HMCN1: variants seen among roughly 807,000 people sequenced by gnomAD.
The protein encoded by HMCN1 is hemicentin-1.
In HMCN1, 321 loss-of-function variants were observed where a neutral mutation model predicts 625.9. The ratio of observed to expected loss-of-function variants is 0.51; its 90% confidence interval spans 0.47 to 0.56. HMCN1 has a LOEUF of 0.56. HMCN1 is among the 20% of genes least tolerant of loss of function. The pLI is 0.00. For synonymous variants in HMCN1, 2,425 were observed against 2,417.6 expected, an observed-to-expected ratio of 1.00 and a Z score of -0.09; for missense variants, 6,588 against 6,887.3, an observed-to-expected ratio of 0.96 and a Z score of 1.54.
intron 3 of HMCN1, 64 bp from the exon 4 acceptor site, chr1:185,865,677 A>G (rs778419899): frequency 7.1e-7 from 1 of 1,413,718 alleles, no homozygotes; most frequent in Admixed American, 1.7e-5. Context: ...TAGGTAGTCA[A>G]TACACATATT....
Position 186,181,904 on chromosome 1 carries a change from G to A in HMCN1, c.16295-264G>A, listed in dbSNP as rs73042576. Among the ~76,000 whole-genome samples, 20 of 152,082 alleles carry A rather than the reference G, an allele frequency of 1.3e-4. No homozygotes were observed. In the South Asian group the frequency reaches 1.5e-3, roughly 11 times the overall value. On this transcript the variant is annotated intron_variant, in intron 104 of 106. Transcript: ENST00000271588. ...ACTTAAGTAATATAAAAATTGACCC[G>A]TTTGGGACTTCAGCATATATGTGCT...
At chr1:185,993,547 C>CA (rs1558125586) in intron 23 of HMCN1, 3 of 443,200 alleles carry the variant, frequency 6.8e-6, no homozygotes, top group East Asian at 9.1e-5. Context: ...TTTTGGATCT[C>CA]AATTTTTCTA....
intron 1 of HMCN1, among the ~76,000 whole-genome samples, chr1:185,742,281 A>G (rs979186359): frequency 2.2e-4 from 33 of 152,326 alleles, no homozygotes; most frequent in Admixed American, 5.9e-4. Flanking sequence ...TCAAAGTAGC[A>G]AGGACTTGAT....
chr1:185,786,529 C>T (rs1438328395), intron 1 of HMCN1, among the ~76,000 whole-genome samples: 2 of 152,142 alleles, frequency 1.3e-5, no homozygotes, highest in Non-Finnish European at 2.9e-5. Context: ...AGCATCTTGG[C>T]TTTCTTTGAT....
chr1:185,989,286 C>T (rs950524099), intron 20 of HMCN1, among the ~76,000 whole-genome samples: 2 of 152,076 alleles, frequency 1.3e-5, no homozygotes, highest in Non-Finnish European at 2.9e-5. Context: ...TGAGCCACCG[C>T]ACCTGGCCCA....
intron 75 of HMCN1, among the ~76,000 whole-genome samples, chr1:186,116,522 A>C (rs962849058): frequency 3.9e-5 from 6 of 152,114 alleles, no homozygotes; most frequent in Non-Finnish European, 2.9e-5. Flanking sequence ...GGGGTGAGAC[A>C]CACAGACTTG....
chr1:185,862,710 G>A (rs1408733800), intron 2 of HMCN1, among the ~76,000 whole-genome samples: 2 of 152,128 alleles, frequency 1.3e-5, no homozygotes, highest in Non-Finnish European at 2.9e-5. Context: ...AGTGATAGGA[G>A]GTAGGAGATA....
At chr1:185,950,361 T>G (rs1214929417) in intron 11 of HMCN1, among the ~76,000 whole-genome samples, 1 of 151,934 alleles carries the variant, frequency 6.6e-6, no homozygotes, top group Non-Finnish European at 1.5e-5. Flanking sequence ...CTAAAAGTAT[T>G]AAAGCAGTGG....
In HMCN1 at chr1:185,974,175, T is replaced by A. The variant is rs191480215; in HGVS notation, c.2372-3612T>A. Among the ~76,000 whole-genome samples the A allele has an allele frequency of 2.0e-5, 3 of 152,236 alleles. No homozygotes were observed. In the East Asian group the frequency reaches 5.8e-4, roughly 29 times the overall value. Reference sequence around the variant, plus strand: ...TGCTTGCAAACAAATACTTAGGATCTCAGAGGATCAAACATCATCCTAACA... The same window carrying A: ...TGCTTGCAAACAAATACTTAGGATCACAGAGGATCAAACATCATCCTAACA... On this transcript the variant is annotated intron_variant, in intron 15 of 106. Coordinates refer to ENST00000271588, the MANE Select transcript of HMCN1 (RefSeq NM_031935.3).
chr1:185,864,219 A>T (rs1663041149), intron 2 of HMCN1, among the ~76,000 whole-genome samples: 1 of 152,192 alleles, frequency 6.6e-6, no homozygotes, highest in Non-Finnish European at 1.5e-5. Flanking sequence ...GTGAATAGAC[A>T]TTTAATTTTA....
chr1:185,792,722 C>T (rs1182646409), intron 1 of HMCN1, among the ~76,000 whole-genome samples: 1 of 152,124 alleles, frequency 6.6e-6, no homozygotes. Context: ...AGCTCACAAT[C>T]GCTTCTTGGT....
chr1:186,015,521 C>T, intron 31 of HMCN1, 84 bp downstream of exon 31: 1 of 1,312,900 alleles, frequency 7.6e-7, no homozygotes, highest in South Asian at 1.2e-5. Flanking sequence ...CACTAATAGT[C>T]CTTGGTGGGT....
At chr1:185,928,097 A>G (rs1446149630) in intron 9 of HMCN1, among the ~76,000 whole-genome samples, 1 of 152,158 alleles carries the variant, frequency 6.6e-6, no homozygotes, top group African/African-American at 2.4e-5. Context: ...TATCTAAAAG[A>G]AAGTTAAGGA....
At chr1:186,058,292 C>T (rs1400580242) in intron 46 of HMCN1, among the ~76,000 whole-genome samples, 2 of 151,914 alleles carry the variant, frequency 1.3e-5, no homozygotes, top group Non-Finnish European at 2.9e-5. Context: ...GTTAGTTTCT[C>T]AGTATGCATT....
At position 186,137,516 on chromosome 1, in the gene HMCN1, A is replaced by T. The variant is rs746786946; in HGVS notation, c.13601A>T (p.Gln4534Leu). The T allele has an allele frequency of 2.7e-5, 43 of 1,613,542 alleles. No individual in the cohort carries two copies. The highest frequency in any genetic ancestry group is 1.7e-4 in the Admixed American group (10 of 59,912). The change falls in exon 88 of 107, where the codon CAG (glutamine) becomes CTG (leucine). Residue 4534 changes from glutamine to leucine, a missense_variant. This residue lies in a region of HMCN1 where 1,954 missense variants were observed against 2,013.1 expected (regional missense o/e 0.97). Transcript: ENST00000271588. The stretch of plus-strand genomic sequence containing the variant: ...TTTGCAGTTCATGGTGGATTTTCCC[A>T]GTGGTCTGCATGGAGAGCCTGCAGT... ...VIVQVHGGFS[Q>L]WSAWRACSVT...
At chr1:185,889,302 T>C (rs1664888085) in intron 4 of HMCN1, among the ~76,000 whole-genome samples, 1 of 142,546 alleles carries the variant, frequency 7.0e-6, no homozygotes, top group East Asian at 2.0e-4. Context: ...ACCCTTTATT[T>C]CCTTCTCCTG....
chr1:186,039,934 A>G, intron 39 of HMCN1, 55 bp downstream of exon 39: 1 of 1,520,008 alleles, frequency 6.6e-7, no homozygotes, highest in Non-Finnish European at 9.1e-7. Flanking sequence ...CAGTACAGGA[A>G]GTACACACAG....
intron 16 of HMCN1, among the ~76,000 whole-genome samples, chr1:185,980,548 G>A (rs1571655846): frequency 6.6e-6 from 1 of 152,158 alleles, no homozygotes; most frequent in Admixed American, 6.5e-5. Context: ...GACTTCTCCA[G>A]TCATTGCATC....
chr1:185,922,067 T>A (rs1470601764), intron 6 of HMCN1, among the ~76,000 whole-genome samples: 2 of 152,206 alleles, frequency 1.3e-5, no homozygotes, highest in Admixed American at 1.3e-4. Context: ...AAAACAAAGA[T>A]CCATACCCTC....
Sources: allele counts gnomAD v4.1 joint callset (sites outside exome capture counted in the v4.1 genomes callset), GRCh38; gene constraint gnomAD v4.1.1; regional missense constraint gnomAD v4.1.1; transcripts MANE v1.5; gene names NCBI Gene and HGNC (gene_info 2026-07-23, HGNC 2026-07-21).